The following ASIC2 variants were observed in gnomAD, a reference collection of about 807,000 sequenced individuals.
The protein encoded by ASIC2 is acid-sensing ion channel 2.
ASIC2 carries 25 observed loss-of-function variants against 57.3 expected under a neutral mutation model. That is an observed-to-expected ratio of 0.44 (90% CI 0.32 to 0.61). The LOEUF (loss-of-function observed/expected upper bound fraction) is 0.61, where lower values mean the gene tolerates loss of function less well. ASIC2 is among the 20% of genes least tolerant of loss of function. The pLI is 0.06. For synonymous variants in ASIC2, 319 were observed against 307.5 expected, an observed-to-expected ratio of 1.04 and a Z score of -0.39; for missense variants, 641 against 738.1, an observed-to-expected ratio of 0.87 and a Z score of 1.52.
chr17:33,712,585 GGCTCAACT>G (rs1381286819), intron 1 of ASIC2, among the ~76,000 whole-genome samples: 1 of 149,658 alleles, frequency 6.7e-6, no homozygotes, highest in Non-Finnish European at 1.5e-5. Context: ...GTCATCTCAA[GGCTCAACT>G]GCATGTGAGG....
intron 1 of ASIC2, among the ~76,000 whole-genome samples, chr17:34,034,695 A>C (rs1293916450): frequency 6.6e-6 from 1 of 152,212 alleles, no homozygotes; most frequent in Non-Finnish European, 1.5e-5. Flanking sequence ...TACAAAAGTC[A>C]CAAGCATTCT....
At chr17:33,537,501 A>G (rs1190084447) in intron 1 of ASIC2, among the ~76,000 whole-genome samples, 2 of 152,156 alleles carry the variant, frequency 1.3e-5, no homozygotes, top group East Asian at 3.9e-4. Context: ...TGAGGGTGGG[A>G]ATCTTTCTTT....
chr17:33,950,457 G>C (rs1256485856), intron 1 of ASIC2, among the ~76,000 whole-genome samples: 4 of 151,754 alleles, frequency 2.6e-5, no homozygotes, highest in Middle Eastern at 3.2e-3. Flanking sequence ...CACTGGAAAA[G>C]TAATAAAGCA....
chr17:33,255,706 A>G (rs994502263), intron 1 of ASIC2, among the ~76,000 whole-genome samples: 3 of 152,206 alleles, frequency 2.0e-5, no homozygotes, highest in African/African-American at 7.2e-5. Flanking sequence ...ATTCTCAGAA[A>G]TCAAATAGAA....
At chr17:34,122,318 G>C (rs1367954304) in intron 1 of ASIC2, among the ~76,000 whole-genome samples, 1 of 152,198 alleles carries the variant, frequency 6.6e-6, no homozygotes. Flanking sequence ...GGGCACAAGG[G>C]AGCGAGGGTC....
chr17:33,496,802 G>C (rs1263991977), intron 1 of ASIC2, among the ~76,000 whole-genome samples: 1 of 151,856 alleles, frequency 6.6e-6, no homozygotes, highest in Non-Finnish European at 1.5e-5. Flanking sequence ...ATTTTTAGTA[G>C]AGACAGGGTT....
chr17:33,136,327 C>T (rs1007697570), intron 1 of ASIC2, among the ~76,000 whole-genome samples: 17 of 152,178 alleles, frequency 1.1e-4, no homozygotes, highest in East Asian at 5.8e-4. Flanking sequence ...ATGGGTTATA[C>T]GGTCCAGAGG....
rs560344122 is a variant in ASIC2 at position 34,018,299 on chromosome 17, T to C, written c.555+137679A>G. 2.6e-5 allele frequency among the ~76,000 whole-genome samples: 4 copies of C among 152,358 alleles called. No individual in the cohort carries two copies. In the South Asian group the frequency reaches 8.3e-4, roughly 32 times the overall value. On this transcript the variant is annotated intron_variant, in intron 1 of 9. Coordinates refer to the ASIC2 transcript ENST00000359872. The stretch of plus-strand genomic sequence containing the variant: ...GGTTTACTGAATATTTTAAGCACAC[T>C]GTTGAGATCTACTGCACAAAAACAA...
chr17:33,483,239 G>C (rs1018786546), intron 1 of ASIC2, among the ~76,000 whole-genome samples: 15 of 152,302 alleles, frequency 9.8e-5, no homozygotes, highest in Middle Eastern at 3.4e-3. Context: ...TGCAGTGTGG[G>C]CTCCATCAAG....
intron 1 of ASIC2, among the ~76,000 whole-genome samples, chr17:33,367,524 C>T (rs1015004404): frequency 6.6e-6 from 1 of 152,168 alleles, no homozygotes; most frequent in Admixed American, 6.5e-5. Flanking sequence ...GGCAACTGCA[C>T]CTTTGCTGCC....
At chr17:33,842,605 C>A (rs1026205357) in intron 1 of ASIC2, among the ~76,000 whole-genome samples, 2 of 152,160 alleles carry the variant, frequency 1.3e-5, no homozygotes, top group African/African-American at 4.8e-5. Context: ...AAAGTTGATA[C>A]ATACATGAAA....
Position 33,407,521 on chromosome 17 carries a change from C to T in ASIC2, c.556-295454G>A, listed in dbSNP as rs772183564. Among the ~76,000 whole-genome samples the T allele has an allele frequency of 2.0e-4, 31 of 152,202 alleles. No individual in the cohort carries two copies. The East Asian group carries it at 2.7e-3, about 13-fold the overall frequency. Reference sequence around the variant, plus strand: ...CTCCTGATACTCCCATAATGCATCACTCAGGGCAAGTATGGGCCTAATTCT... The same window carrying T: ...CTCCTGATACTCCCATAATGCATCATTCAGGGCAAGTATGGGCCTAATTCT... On this transcript the variant is annotated intron_variant, in intron 1 of 9. Transcript: ENST00000359872.
Position 33,739,890 on chromosome 17 carries a change from G to A in ASIC2, c.555+416088C>T, listed in dbSNP as rs891863614. Among the ~76,000 whole-genome samples, 3 of 91,540 alleles carry A rather than the reference G, an allele frequency of 3.3e-5. No homozygotes were observed. The East Asian group carries it at 9.0e-4, about 27-fold the overall frequency. The allele number at this position is 91,540 out of a possible 152,430, so 60.1% of individuals were successfully genotyped here. A position where few individuals can be genotyped will look rare whatever the true frequency, so the allele number is the denominator to read the frequency against. On this transcript the variant is annotated intron_variant, in intron 1 of 9. Coordinates refer to the ASIC2 transcript ENST00000359872. ...GAAGGAAGGAAAAAAGAAAAGGAAA[G>A]AAAAGAAAAAAGAGAAAGAAAGAAA...
At chr17:33,974,735 C>T (rs920212451) in intron 1 of ASIC2, among the ~76,000 whole-genome samples, 3 of 151,724 alleles carry the variant, frequency 2.0e-5, no homozygotes, top group Non-Finnish European at 4.4e-5. Context: ...GAGGCCACAC[C>T]TATTTTAGCC....
At chr17:33,295,672 C>T (rs1033695629), upstream of ASIC2, among the ~76,000 whole-genome samples, 1 of 152,176 alleles carries the variant, frequency 6.6e-6, no homozygotes, top group Non-Finnish European at 1.5e-5. Context: ...ATATTTGTAT[C>T]CCTACCTCTT....
At chr17:33,692,487 TTATAAAAGTC>T (rs1908403113) in intron 1 of ASIC2, 1 of 152,268 alleles carries the variant, frequency 6.6e-6, no homozygotes, top group African/African-American at 2.4e-5. Context: ...CAATAAACAG[TTATAAAAGTC>T]TTGAACCAAA....
chr17:33,956,832 G>A (rs949556116), intron 1 of ASIC2, among the ~76,000 whole-genome samples: 2 of 152,324 alleles, frequency 1.3e-5, no homozygotes, highest in African/African-American at 4.8e-5. Flanking sequence ...CCAGCTAGAT[G>A]AGCCTGCTCC....
intron 1 of ASIC2, among the ~76,000 whole-genome samples, chr17:33,600,094 T>G (rs1905086428): frequency 6.6e-6 from 1 of 152,214 alleles, no homozygotes; most frequent in South Asian, 2.1e-4. Context: ...TGTCATCTTG[T>G]CTCTGCACAG....
intron 1 of ASIC2, among the ~76,000 whole-genome samples, chr17:33,275,334 C>T (rs1320539909): frequency 6.6e-6 from 1 of 152,138 alleles, no homozygotes; most frequent in Non-Finnish European, 1.5e-5. Context: ...TCAGGCAAAA[C>T]CTGCTTTTTC....
Sources: gnomAD v4.1 joint callset for allele counts (sites outside exome capture counted in the v4.1 genomes callset) on GRCh38, gnomAD v4.1.1 for gene constraint, MANE v1.5 for transcripts, NCBI Gene and HGNC (gene_info 2026-07-23, HGNC 2026-07-21) for gene names.